CTNNA1: variants seen among roughly 807,000 people sequenced by gnomAD.
CTNNA1 encodes catenin alpha 1.
Under a neutral mutation model 98.4 loss-of-function variants are expected in CTNNA1, and 37 were observed. The observed-to-expected ratio is 0.38, with a 90% CI of 0.29 to 0.49. CTNNA1 has a LOEUF of 0.49. Among genes scored for constraint, CTNNA1 ranks in the 20% least tolerant of loss-of-function variants. The pLI is 0.95. For missense variants in CTNNA1, 761 were observed against 1,147.2 expected (o/e 0.66, Z 4.86); for synonymous variants, 404 against 413.2 (o/e 0.98, Z 0.27).
At chr5:138,851,183 G>A (rs1763151788) in intron 7 of CTNNA1, among the ~76,000 whole-genome samples, 1 of 152,252 alleles carries the variant, frequency 6.6e-6, no homozygotes, top group East Asian at 1.9e-4. Flanking sequence ...ATGACAGGGG[G>A]CAGAGAATGC....
At chr5:138,792,313 C>G (rs935209469) in intron 3 of CTNNA1, among the ~76,000 whole-genome samples, 1 of 152,186 alleles carries the variant, frequency 6.6e-6, no homozygotes, top group Non-Finnish European at 1.5e-5. Flanking sequence ...CTGTCAGGCT[C>G]TTGAGGCATG....
chr5:138,925,291 G>A lies in CTNNA1; in HGVS notation c.1783G>A (p.Val595Met), dbSNP rs757780458. The change falls in exon 13 of 18, where the codon GTG becomes ATG. Residue 595 changes from valine to methionine, a missense_variant. By Grantham distance (21) the Val-to-Met change is conservative (BLOSUM62 1). Transcript: ENST00000302763. ...TTTTACTGAGCAAGTAGAAGCAGCC[G>A]TGGAAGCCCTCAGCTCGGACCCTGC... ...PRFTEQVEAA[V>M]EALSSDPAQP... The A allele has an allele frequency of 5.6e-6, 9 of 1,613,974 alleles. No homozygotes were observed. The highest frequency in any genetic ancestry group is 1.3e-5 in the African/African-American group (1 of 74,894).
chr5:138,913,617 A>G (rs1416483150), intron 10 of CTNNA1, among the ~76,000 whole-genome samples: 1 of 151,636 alleles, frequency 6.6e-6, no homozygotes, highest in South Asian at 2.1e-4. Context: ...GATGTACTTC[A>G]ATTTTCTGTG....
chr5:138,896,265 T>C (rs1756784242), intron 9 of CTNNA1, among the ~76,000 whole-genome samples: 1 of 152,174 alleles, frequency 6.6e-6, no homozygotes, highest in Non-Finnish European at 1.5e-5. Context: ...TCTTGCTTTT[T>C]TGCCCACACT....
chr5:138,781,928 AC>A lies in CTNNA1; in HGVS notation c.5del (p.Thr2MetfsTer8). 1 of 1,579,236 alleles carries A rather than the reference AC, an allele frequency of 6.3e-7. No homozygotes were observed. The highest frequency in any genetic ancestry group is 8.5e-7 in the Non-Finnish European group (1 of 1,171,314). On this transcript the variant is annotated frameshift_variant, in exon 2 of 18. Transcript: ENST00000302763. LOFTEE classifies it high-confidence loss of function. ...ACTTTTTGTTTCTTATTTAGAAATG[AC>A]TGCTGTCCATGCAGGCAACATAAAC... M[T>X]AVHAGNINFK...
chr5:138,904,525 GTTTTGT>G, intron 10 of CTNNA1, 84 bp downstream of exon 10: 1 of 1,533,020 alleles, frequency 6.5e-7, no homozygotes, highest in Non-Finnish European at 8.8e-7. Flanking sequence ...GTTAAGTTTT[GTTTTGT>G]TTTTAGGATT....
At position 138,873,296 on chromosome 5, in the gene CTNNA1, C is replaced by T. The variant is rs775908680; in HGVS notation, c.1063-12916C>T. 1.5e-5 allele frequency: 24 copies of T among 1,613,854 alleles called. No homozygotes were observed. Among genetic ancestry groups the T allele is most frequent in the African/African-American group, 4.0e-5 (3 of 74,900 alleles). On this transcript the variant is annotated intron_variant, in intron 7 of 17. Transcript: ENST00000302763. The surrounding 1 kb of genome is among the most constrained non-coding windows in gnomAD (Gnocchi z 6.1). ...TAAAGCCATTGTTCCCGTAATTACC[C>T]GCTGAGTGAAGATGGCATTGTCTGG...
At chr5:138,925,708 G>A (rs772793462) in intron 13 of CTNNA1, among the ~76,000 whole-genome samples, 1 of 152,218 alleles carries the variant, frequency 6.6e-6, no homozygotes, top group Non-Finnish European at 1.5e-5. Flanking sequence ...GAAAATAATG[G>A]TTCTCAAGCT....
At chr5:138,778,867 G>A (rs959615346) in intron 1 of CTNNA1, among the ~76,000 whole-genome samples, 3 of 151,942 alleles carry the variant, frequency 2.0e-5, no homozygotes, top group African/African-American at 7.3e-5. Context: ...CTTTTATGAG[G>A]GATCTAGTTC....
intron 7 of CTNNA1, among the ~76,000 whole-genome samples, chr5:138,865,292 C>G (rs1159278926): frequency 6.6e-6 from 1 of 152,142 alleles, no homozygotes; most frequent in African/African-American, 2.4e-5. Context: ...CTTCTAGGCT[C>G]CACCCACCCT....
intron 1 of CTNNA1, chr5:138,754,587 T>C (rs1751415827): frequency 6.6e-6 from 1 of 152,192 alleles, no homozygotes; most frequent in South Asian, 2.1e-4. Context: ...GGAGCGAATA[T>C]TTGTGTTTAG....
Position 138,823,547 on chromosome 5 carries a change from C to T in CTNNA1, c.589-983C>T, listed in dbSNP as rs184039804. On this transcript the variant is annotated intron_variant, in intron 5 of 17. Coordinates refer to ENST00000302763, the MANE Select transcript of CTNNA1 (RefSeq NM_001903.5). ...CTAAAGTGGTTTTTGGGGTGGGGAG[C>T]GGGAGAGGAGGAGATACGTGCTTGT... Among the ~76,000 whole-genome samples, 43 of 152,074 alleles carry T rather than the reference C, an allele frequency of 2.8e-4. No homozygotes were observed. In the East Asian group the frequency reaches 4.4e-3, roughly 16 times the overall value.
chr5:138,814,272 G>A (rs992227587), intron 5 of CTNNA1, among the ~76,000 whole-genome samples: 4 of 150,036 alleles, frequency 2.7e-5, no homozygotes, highest in Admixed American at 1.3e-4. Flanking sequence ...TTTTGAGATG[G>A]AGTTTCGCTC....
chr5:138,840,713 A>T (rs961392526), intron 7 of CTNNA1, among the ~76,000 whole-genome samples: 1 of 151,178 alleles, frequency 6.6e-6, no homozygotes, highest in Non-Finnish European at 1.5e-5. Context: ...CTACCCTAAT[A>T]GTTTTTATCC....
At chr5:138,836,136 C>A (rs1319012322) in intron 7 of CTNNA1, among the ~76,000 whole-genome samples, 1 of 152,214 alleles carries the variant, frequency 6.6e-6, no homozygotes, top group Non-Finnish European at 1.5e-5. Flanking sequence ...CAGGTGTGAG[C>A]CACCATGGCT....
At position 138,756,382 on chromosome 5, in the gene CTNNA1, G is replaced by C. The variant is rs144162825; in HGVS notation, c.-3+2872G>C. On this transcript the variant is annotated intron_variant, in intron 1 of 17. Coordinates refer to ENST00000302763, the MANE Select transcript of CTNNA1 (RefSeq NM_001903.5). ...GGGTTTCATCATATTGGTGAGTCTG[G>C]TCTTTAACTCCTGACCTCAGGTGAT... 2.4e-3 allele frequency among the ~76,000 whole-genome samples: 370 copies of C among 152,018 alleles called. 1 individual carries two copies. The highest frequency in any genetic ancestry group is 7.6e-3 in the African/African-American group (315 of 41,454).
At chr5:138,925,232 T>A (rs758919142) in intron 12 of CTNNA1, 24 bp from the exon 13 acceptor site, 1 of 1,610,902 alleles carries the variant, frequency 6.2e-7, no homozygotes, top group Admixed American at 1.7e-5. Context: ...GACCAGGGTA[T>A]CTACTGTGCC....
chr5:138,839,892 A>G (rs971434211), intron 7 of CTNNA1, among the ~76,000 whole-genome samples: 1 of 152,226 alleles, frequency 6.6e-6, no homozygotes, highest in Non-Finnish European at 1.5e-5. Flanking sequence ...TTTTTAGTCC[A>G]GAGATACTCC....
intron 7 of CTNNA1, chr5:138,828,248 C>T (rs1760921406): frequency 1.3e-5 from 2 of 156,698 alleles, no homozygotes; most frequent in Non-Finnish European, 2.8e-5. Flanking sequence ...TTTCGTGAAC[C>T]ATATTGAATG....
Sources: gnomAD v4.1 joint callset for allele counts (sites outside exome capture counted in the v4.1 genomes callset) on GRCh38, gnomAD v4.1.1 for gene constraint, Gnocchi (gnomAD v3.1) non-coding constraint, MANE v1.5 for transcripts, NCBI Gene and HGNC (gene_info 2026-07-23, HGNC 2026-07-21) for gene names.